Variants in BMP6 observed in about 807,000 individuals in gnomAD.
BMP6 encodes the protein bone morphogenetic protein 6, also known as VG-1-R.
In BMP6, 17 loss-of-function variants were observed where a neutral mutation model predicts 54.1. The ratio of observed to expected loss-of-function variants is 0.31; its 90% CI spans 0.22 to 0.47. The LOEUF is 0.47. Ranked by LOEUF, BMP6 falls within the 20% of genes least tolerant of loss-of-function variation. The pLI, the probability that BMP6 is intolerant of heterozygous loss-of-function variation, is 1.00. For synonymous variants in BMP6, 328 were observed against 291.2 expected (o/e 1.13, Z -1.28); for missense variants, 720 against 690.4 (o/e 1.04, Z -0.48).
chr6:7,871,571 C>G (rs1408726095), intron 4 of BMP6, among the ~76,000 whole-genome samples: 1 of 152,210 alleles, frequency 6.6e-6, no homozygotes, highest in African/African-American at 2.4e-5. Flanking sequence ...GGATGAGCAC[C>G]TGGGGCCTTG....
intron 1 of BMP6, among the ~76,000 whole-genome samples, chr6:7,770,558 A>C (rs1310799231): frequency 6.6e-6 from 1 of 152,226 alleles, no homozygotes; most frequent in Non-Finnish European, 1.5e-5. Context: ...ACAGATGTAA[A>C]TATGTGTACT....
intron 4 of BMP6, among the ~76,000 whole-genome samples, chr6:7,870,362 A>G (rs559896066): frequency 6.6e-6 from 1 of 152,340 alleles, no homozygotes; most frequent in Non-Finnish European, 1.5e-5. Context: ...CACTGATTGC[A>G]TCGTGCAGAA....
intron 1 of BMP6, among the ~76,000 whole-genome samples, chr6:7,758,270 T>C (rs1171509719): frequency 2.6e-5 from 4 of 152,234 alleles, no homozygotes; most frequent in Non-Finnish European, 5.9e-5. Context: ...AATTCGCAGA[T>C]TGAGTAGCCA....
At chr6:7,759,696 CTTTTTTTTTTT>C (rs71542880) in intron 1 of BMP6, among the ~76,000 whole-genome samples, 4 of 62,152 alleles carry the variant, frequency 6.4e-5, no homozygotes, top group African/African-American at 3.0e-4. Context: ...CTTTCTTCTT[CTTTTTTTTTTT>C]TTTTTTTTTT....
intron 1 of BMP6, among the ~76,000 whole-genome samples, chr6:7,811,971 T>A (rs1167896697): frequency 6.6e-6 from 1 of 152,212 alleles, no homozygotes; most frequent in Non-Finnish European, 1.5e-5. Flanking sequence ...TAGAACAGGG[T>A]AGCGCCTCTG....
intron 1 of BMP6, among the ~76,000 whole-genome samples, chr6:7,744,253 G>A (rs925099062): frequency 6.6e-6 from 1 of 152,098 alleles, no homozygotes; most frequent in Non-Finnish European, 1.5e-5. Flanking sequence ...TGGGGAGGCC[G>A]AGGGGGGCGG....
intron 4 of BMP6, among the ~76,000 whole-genome samples, chr6:7,875,011 C>G (rs768413041): frequency 1.3e-5 from 2 of 152,164 alleles, no homozygotes; most frequent in Non-Finnish European, 2.9e-5. Flanking sequence ...GAGCTGCTGT[C>G]TGCAAGCTGG....
intron 1 of BMP6, among the ~76,000 whole-genome samples, chr6:7,825,898 G>A (rs898290862): frequency 1.5e-4 from 23 of 152,170 alleles, no homozygotes; most frequent in African/African-American, 2.4e-4. Context: ...CTTCCCTATC[G>A]GCATTTTGAG....
At chr6:7,803,543 A>G (rs996407205) in intron 1 of BMP6, among the ~76,000 whole-genome samples, 2 of 152,060 alleles carry the variant, frequency 1.3e-5, no homozygotes, top group African/African-American at 4.8e-5. Flanking sequence ...CTACACATTC[A>G]CAGTCTACTT....
intron 1 of BMP6, among the ~76,000 whole-genome samples, chr6:7,751,713 T>C (rs571372072): frequency 3.3e-5 from 5 of 152,330 alleles, no homozygotes; most frequent in South Asian, 2.1e-4. Flanking sequence ...AGTCACTTCA[T>C]TGGGCCAATT....
At chr6:7,768,987 A>G (rs1206462067) in intron 1 of BMP6, among the ~76,000 whole-genome samples, 2 of 152,208 alleles carry the variant, frequency 1.3e-5, no homozygotes, top group African/African-American at 4.8e-5. Context: ...GAAATGATAT[A>G]TTGCAGTCAA....
Position 7,727,219 on chromosome 6 carries a change from G to A in BMP6, c.264G>A (p.Gly88=), listed in dbSNP as rs1260406263. 8.7e-6 allele frequency: 14 copies of A among 1,605,474 alleles called. No homozygotes were observed. The African/African-American group carries it at 1.1e-4, about 12-fold the overall frequency. ...AGAAGGAGATCTTGTCGGTGCTGGG[G>A]CTCCCGCACCGGCCCCGGCCCCTGC... ...EMQKEILSVL[G]LPHRPRPLHG... Residue 88 remains glycine, a synonymous_variant, in exon 1 of 7, where the codon GGG becomes GGA. Coordinates refer to ENST00000283147, the MANE Select transcript of BMP6 (RefSeq NM_001718.6).
chr6:7,742,286 G>T (rs1240238514), intron 1 of BMP6, among the ~76,000 whole-genome samples: 1 of 152,166 alleles, frequency 6.6e-6, no homozygotes. Context: ...ATGAATACAA[G>T]TCAGAAAGAC....
intron 1 of BMP6, among the ~76,000 whole-genome samples, chr6:7,830,318 G>A (rs1488142504): frequency 2.0e-5 from 3 of 152,142 alleles, no homozygotes; most frequent in Non-Finnish European, 2.9e-5. Context: ...ATTAAACCTT[G>A]TTTCTGCTCA....
intron 1 of BMP6, among the ~76,000 whole-genome samples, chr6:7,829,025 C>G (rs1386292989): frequency 6.6e-6 from 1 of 152,152 alleles, no homozygotes; most frequent in African/African-American, 2.4e-5. Context: ...AATATGAATC[C>G]CCAGTAACCC....
intron 1 of BMP6, among the ~76,000 whole-genome samples, chr6:7,765,355 TA>T (rs1338066316): frequency 6.6e-6 from 1 of 152,232 alleles, no homozygotes; most frequent in Non-Finnish European, 1.5e-5. Flanking sequence ...AATAATGTAA[TA>T]ATCTAATAAT....
intron 1 of BMP6, among the ~76,000 whole-genome samples, chr6:7,822,169 C>T (rs746047077): frequency 1.3e-5 from 2 of 152,002 alleles, no homozygotes; most frequent in Admixed American, 6.6e-5. Context: ...TACAGTCATG[C>T]GCCAGCATGC....
At chr6:7,876,638 A>G (rs1228319591) in intron 4 of BMP6, among the ~76,000 whole-genome samples, 2 of 152,228 alleles carry the variant, frequency 1.3e-5, no homozygotes, top group African/African-American at 4.8e-5. Context: ...TGTTTAATGT[A>G]TAACTAATCT....
At position 7,862,475 on chromosome 6, in the gene BMP6, T is replaced by C. The variant is rs912291716; in HGVS notation, c.1181T>C (p.Val394Ala). The change falls in exon 4 of 7, where the codon GTG becomes GCG. Residue 394 changes from valine to alanine, a missense_variant. By Grantham distance (64) the Val-to-Ala change is moderately conservative. Around this residue, in one of 3 missense-constraint regions of BMP6, gnomAD observed 650 missense variants for 556.3 expected, o/e 1.17. Transcript: ENST00000283147. ...AATCGCTCTACCCAGTCCCAGGACG[T>C]GGCGCGGGTCTCCAGTGCTTCAGGT... ...SRNRSTQSQD[V>A]ARVSSASDYN... 2.5e-6 allele frequency: 4 copies of C among 1,614,100 alleles called. No homozygotes were observed. Among genetic ancestry groups the C allele is most frequent in the Non-Finnish European group, 2.5e-6 (3 of 1,180,006 alleles).
Sources: allele counts gnomAD v4.1 joint callset (sites outside exome capture counted in the v4.1 genomes callset), GRCh38; gene constraint gnomAD v4.1.1; regional missense constraint gnomAD v4.1.1; transcripts MANE v1.5; gene names NCBI Gene and HGNC (gene_info 2026-07-23, HGNC 2026-07-21).